Variants in NTRK2 observed in about 807,000 individuals in gnomAD.
NTRK2 encodes the protein BDNF/NT-3 growth factors receptor.
In NTRK2, 13 loss-of-function variants were observed where a neutral mutation model predicts 94.5. That is an observed-to-expected ratio of 0.14 (90% CI 0.09 to 0.22). NTRK2 has a LOEUF of 0.22. Ranked by LOEUF, NTRK2 falls within the 10% of genes least tolerant of loss-of-function variation. The pLI, the probability that NTRK2 is intolerant of heterozygous loss-of-function variation, is 1.00. For missense variants in NTRK2, 639 were observed against 1,071.2 expected, an observed-to-expected ratio of 0.60 and a Z score of 5.63; for synonymous variants, 372 against 407.4, an observed-to-expected ratio of 0.91 and a Z score of 1.05.
At chr9:84,947,917 CTCT>C (rs2078654077) in intron 15 of NTRK2, among the ~76,000 whole-genome samples, 1 of 152,220 alleles carries the variant, frequency 6.6e-6, no homozygotes. Context: ...AGCATGACCA[CTCT>C]TCTTGCGGCT....
intron 12 of NTRK2, among the ~76,000 whole-genome samples, chr9:84,769,505 C>CT (rs775924174): frequency 3.7e-4 from 57 of 152,284 alleles, no homozygotes; most frequent in Non-Finnish European, 6.6e-4. Context: ...AATCTCTGTA[C>CT]TATAGATCTG....
At chr9:84,674,044 TGCAAAGGACAAG>T (rs1198681652) in intron 2 of NTRK2, among the ~76,000 whole-genome samples, 1 of 152,198 alleles carries the variant, frequency 6.6e-6, no homozygotes, top group Non-Finnish European at 1.5e-5. Context: ...CAAAGTGCAT[TGCAAAGGACAAG>T]TTCTGTTTCA....
chr9:84,687,759 T>C lies in NTRK2; in HGVS notation c.213-14400T>C, dbSNP rs78166813. On this transcript the variant is annotated intron_variant, in intron 2 of 18. Transcript: ENST00000277120. ...TTTGGTTACTCAATCAGCAAATCAG[T>C]TTTGAACATGTCTTTGTACCTGGTA... Among the ~76,000 whole-genome samples the C allele has an allele frequency of 1.1e-3, 162 of 152,250 alleles. No individual in the cohort carries two copies. The East Asian group carries it at 0.028, about 26-fold the overall frequency.
intron 12 of NTRK2, among the ~76,000 whole-genome samples, chr9:84,784,845 CATCT>C (rs67208166): frequency 0.026 from 3,946 of 152,206 alleles, 77 homozygotes; most frequent in Admixed American, 0.046. Context: ...GAAAACCATC[CATCT>C]GAGTTATTAA....
intron 12 of NTRK2, among the ~76,000 whole-genome samples, chr9:84,856,024 C>T (rs1418331087): frequency 6.6e-6 from 1 of 152,164 alleles, no homozygotes; most frequent in Non-Finnish European, 1.5e-5. Flanking sequence ...ATTAGCCCAG[C>T]AGGGTGGGGA....
intron 15 of NTRK2, 98 bp downstream of exon 15, chr9:84,934,390 A>AC: frequency 7.0e-6 from 9 of 1,292,778 alleles, no homozygotes; most frequent in Non-Finnish European, 8.8e-6. Flanking sequence ...ATGCAGGAGT[A>AC]AATTGTTCCT....
intron 14 of NTRK2, among the ~76,000 whole-genome samples, chr9:84,868,213 G>A (rs756052317): frequency 1.3e-5 from 2 of 151,920 alleles, no homozygotes; most frequent in Non-Finnish European, 2.9e-5. Flanking sequence ...TGAGGGCTAT[G>A]ATGTCAGATC....
intron 14 of NTRK2, among the ~76,000 whole-genome samples, chr9:84,913,456 A>G (rs191329214): frequency 6.6e-6 from 1 of 152,308 alleles, no homozygotes; most frequent in Non-Finnish European, 1.5e-5. Context: ...CATTGAGCAC[A>G]ATGTAGAAAA....
Position 85,021,674 on chromosome 9 carries a change from C to CCTTTTTCTTTTTTTAAATTTT in NTRK2, c.*252_*272dup. 1.8e-6 allele frequency: 1 copy of CCTTTTTCTTTTTTTAAATTTT among 550,250 alleles called. No individual in the cohort carries two copies. The highest frequency in any genetic ancestry group is 3.2e-6 in the Non-Finnish European group (1 of 311,608). The allele number at this position is 550,250 out of a possible 1,614,324, so 34.1% of individuals were successfully genotyped here. ...TCTCTTTCCATCTCCCTTGGTTGTT[C>CCTTTTTCTTTTTTTAAATTTT]CTTTTTCTTTTTTTAAATTTTCTTT... On this transcript the variant is annotated 3_prime_UTR_variant, in exon 19 of 19. Coordinates refer to ENST00000277120, the MANE Select transcript of NTRK2 (RefSeq NM_006180.6).
chr9:84,834,931 A>G (rs1457853132), intron 12 of NTRK2, among the ~76,000 whole-genome samples: 1 of 152,208 alleles, frequency 6.6e-6, no homozygotes, highest in African/African-American at 2.4e-5. Flanking sequence ...AGCTCATGCA[A>G]CAAAACATGG....
chr9:84,826,216 G>C (rs2073177989), intron 12 of NTRK2, among the ~76,000 whole-genome samples: 1 of 152,172 alleles, frequency 6.6e-6, no homozygotes, highest in Non-Finnish European at 1.5e-5. Flanking sequence ...GGTGTTGACA[G>C]GGTTGGTTCC....
At chr9:84,911,022 C>G (rs913883694) in intron 14 of NTRK2, among the ~76,000 whole-genome samples, 2 of 152,124 alleles carry the variant, frequency 1.3e-5, no homozygotes, top group Non-Finnish European at 2.9e-5. Flanking sequence ...GTTGTCTAAT[C>G]CATGAACATA....
intron 2 of NTRK2, among the ~76,000 whole-genome samples, chr9:84,699,173 A>G (rs1258950448): frequency 6.6e-6 from 1 of 151,730 alleles, no homozygotes; most frequent in Non-Finnish European, 1.5e-5. Flanking sequence ...AGTAGCTGGG[A>G]CTACAGGTAC....
chr9:84,909,588 T>G (rs2077178015), intron 14 of NTRK2, among the ~76,000 whole-genome samples: 1 of 152,138 alleles, frequency 6.6e-6, no homozygotes, highest in Non-Finnish European at 1.5e-5. Context: ...ATCCTCACTG[T>G]CATTTGGTGT....
chr9:84,845,901 T>C (rs1310419676), intron 12 of NTRK2, among the ~76,000 whole-genome samples: 2 of 150,712 alleles, frequency 1.3e-5, no homozygotes, highest in African/African-American at 2.4e-5. Context: ...AAAAAACACC[T>C]GTACTCCAAA....
intron 14 of NTRK2, among the ~76,000 whole-genome samples, chr9:84,901,210 T>TTTTATTTTATTTTATTTTATTTTAC (rs1328509956): frequency 2.0e-5 from 3 of 148,502 alleles, no homozygotes; most frequent in African/African-American, 7.5e-5. Flanking sequence ...TTTTGTTTTA[T>TTTTATTTTATTTTATTTTATTTTAC]TTTATTTTAT....
At chr9:84,798,912 C>CTATATAGATATA (rs2069995147) in intron 12 of NTRK2, among the ~76,000 whole-genome samples, 1 of 128,036 alleles carries the variant, frequency 7.8e-6, no homozygotes, top group Admixed American at 8.0e-5. Flanking sequence ...CTTCTAAGTG[C>CTATATAGATATA]TATATATATA....
intron 6 of NTRK2, among the ~76,000 whole-genome samples, chr9:84,716,486 T>C (rs375427961): frequency 6.6e-6 from 1 of 152,170 alleles, no homozygotes; most frequent in East Asian, 1.9e-4. Flanking sequence ...ACCAAGAAAA[T>C]AGACTGGTAG....
At chr9:84,867,096 G>A (rs543273686) in intron 13 of NTRK2, 147 bp from the exon 14 acceptor site, 3 of 733,900 alleles carry the variant, frequency 4.1e-6, no homozygotes, top group Non-Finnish European at 6.8e-6. Flanking sequence ...TGTCCTACAA[G>A]TAGATTATAG....
Sources: gnomAD v4.1 joint callset for allele counts (sites outside exome capture counted in the v4.1 genomes callset) on GRCh38, gnomAD v4.1.1 for gene constraint, MANE v1.5 for transcripts, NCBI Gene and HGNC (gene_info 2026-07-23, HGNC 2026-07-21) for gene names.